CD109: variants seen among roughly 807,000 people sequenced by gnomAD.
CD109 encodes the protein CD109 antigen.
CD109 carries 149 observed loss-of-function variants against 165.8 expected under a neutral mutation model. That is an observed-to-expected ratio of 0.90 (90% CI 0.79 to 1.03). The LOEUF (loss-of-function observed/expected upper bound fraction) is 1.03. CD109 is among the 50% of genes least tolerant of loss of function. CD109 has a pLI of 0.00. For synonymous variants in CD109, 585 were observed against 592.1 expected, an observed-to-expected ratio of 0.99 and a Z score of 0.18; for missense variants, 1,712 against 1,677.8, an observed-to-expected ratio of 1.02 and a Z score of -0.36.
chr6:73,697,479 T>C lies in CD109; in HGVS notation c.154T>C (p.Cys52Arg). The C allele has an allele frequency of 2.5e-6, 4 of 1,614,128 alleles. No homozygotes were observed. In the South Asian group the frequency reaches 4.4e-5, roughly 18 times the overall value. ...VTIGVELLEH[C>R]PSQVTVKAEL... ...TATTGGGGTGGAGCTTCTGGAACAC[T>C]GCCCTTCACAGGTGACTGTGAAGGC... Residue 52 changes from cysteine to arginine, a missense_variant, in exon 2 of 33, where the codon TGC becomes CGC. Coordinates refer to ENST00000287097, the MANE Select transcript of CD109 (RefSeq NM_133493.5).
chr6:73,708,351 G>A (rs1268567231), intron 2 of CD109, among the ~76,000 whole-genome samples: 1 of 152,104 alleles, frequency 6.6e-6, no homozygotes, highest in Non-Finnish European at 1.5e-5. Context: ...TGGCTGCATT[G>A]TATTCCATGG....
chr6:73,787,572 T>A, intron 21 of CD109, 120 bp downstream of exon 21: 1 of 657,692 alleles, frequency 1.5e-6, no homozygotes, highest in Non-Finnish European at 2.6e-6. Flanking sequence ...TTTACCCTTC[T>A]GGTAATGCCT....
chr6:73,810,062 C>G lies in CD109; in HGVS notation c.3434C>G (p.Ala1145Gly), dbSNP rs770372969. The G allele has an allele frequency of 6.2e-6, 10 of 1,608,294 alleles. No individual in the cohort carries two copies. The Admixed American group carries it at 1.7e-4, about 28-fold the overall frequency. The part of the protein sequence containing the change: ...WQPRSLDIEV[A>G]AYALLSHFLQ... The stretch of plus-strand genomic sequence containing the variant: ...CCACGCTCCCTGGATATTGAAGTTG[C>G]AGCCTATGCACTGCTCTCACACTTC... The change falls in exon 27 of 33, where the codon GCA becomes GGA. Residue 1145 changes from alanine (A) to glycine (G), a missense_variant. Physicochemically the swap from Ala to Gly is moderately conservative, Grantham distance 60. Coordinates refer to ENST00000287097, the MANE Select transcript of CD109 (RefSeq NM_133493.5).
intron 15 of CD109, among the ~76,000 whole-genome samples, chr6:73,778,074 A>G (rs143974378): frequency 7.9e-5 from 12 of 152,224 alleles, no homozygotes; most frequent in East Asian, 5.8e-4. Context: ...TTGTTCATCT[A>G]TGATTTCTTT....
At chr6:73,775,038 C>T (rs1315130081) in intron 15 of CD109, among the ~76,000 whole-genome samples, 1 of 151,746 alleles carries the variant, frequency 6.6e-6, no homozygotes. Context: ...AATTTTTAGA[C>T]ATTAGCCTTC....
chr6:73,723,549 T>C (rs1772034988), intron 3 of CD109, among the ~76,000 whole-genome samples: 1 of 152,108 alleles, frequency 6.6e-6, no homozygotes. Flanking sequence ...AGCACAGAAA[T>C]CTGGACTGGT....
At chr6:73,701,506 T>C (rs375797240) in intron 2 of CD109, among the ~76,000 whole-genome samples, 35 of 152,324 alleles carry the variant, frequency 2.3e-4, no homozygotes, top group African/African-American at 8.2e-4. Flanking sequence ...CTTTCCTTAC[T>C]GTGAAAGGAG....
intron 10 of CD109, 32 bp downstream of exon 10, chr6:73,763,717 C>A (rs1286356353): frequency 2.8e-6 from 3 of 1,089,260 alleles, no homozygotes; most frequent in South Asian, 1.6e-5. Flanking sequence ...CAGTCCATAG[C>A]AGTAAGTTCA....
intron 3 of CD109, among the ~76,000 whole-genome samples, chr6:73,728,300 A>C (rs936759324): frequency 2.0e-5 from 3 of 152,190 alleles, no homozygotes; most frequent in African/African-American, 7.2e-5. Flanking sequence ...ACAGAGCAAG[A>C]GTTCGTCTCA....
At position 73,780,423 on chromosome 6, in the gene CD109, G is replaced by A; in HGVS notation, c.1828-1G>A. Reference sequence around the variant, plus strand: ...TTCCGTATATTTTATCTTCTCCTTAGGTGGTCCATGAGTTGGAACTTTATA... The same window carrying A: ...TTCCGTATATTTTATCTTCTCCTTAAGTGGTCCATGAGTTGGAACTTTATA... On this transcript the variant is annotated splice_acceptor_variant, in intron 15 of 32. Transcript: ENST00000287097. LOFTEE classifies it high-confidence loss of function. 1 of 1,574,894 alleles carries A rather than the reference G, an allele frequency of 6.3e-7. No individual in the cohort carries two copies. Among genetic ancestry groups the A allele is most frequent in the South Asian group, 1.1e-5 (1 of 89,942 alleles).
chr6:73,812,222 A>G lies in CD109; in HGVS notation c.3720A>G (p.Pro1240=). Residue 1240 remains proline, a synonymous_variant, in exon 29 of 33, where the codon CCA becomes CCG. Coordinates refer to ENST00000287097, the MANE Select transcript of CD109 (RefSeq NM_133493.5). ...TGATTCAGCTTGCTGTGGTACAGCC[A>G]ACGGCAGTTAATATTTCCGCAAATG... ...LQTAELAVVQ[P]TAVNISANGF... 6.2e-7 allele frequency: 1 copy of G among 1,610,536 alleles called. No homozygotes were observed. The highest frequency in any genetic ancestry group is 8.5e-7 in the Non-Finnish European group (1 of 1,177,666).
At chr6:73,761,561 T>C (rs1211337482) in intron 7 of CD109, among the ~76,000 whole-genome samples, 1 of 152,146 alleles carries the variant, frequency 6.6e-6, no homozygotes, top group Non-Finnish European at 1.5e-5. Flanking sequence ...CTCACTCTGT[T>C]GCCCAGGCTG....
chr6:73,759,515 G>A (rs1053730887), intron 7 of CD109, among the ~76,000 whole-genome samples: 1 of 152,012 alleles, frequency 6.6e-6, no homozygotes, highest in Non-Finnish European at 1.5e-5. Flanking sequence ...TTTATTTTCT[G>A]AGTGATTAAC....
chr6:73,804,542 T>C (rs1244180464), intron 24 of CD109, among the ~76,000 whole-genome samples: 2 of 152,194 alleles, frequency 1.3e-5, no homozygotes, highest in Non-Finnish European at 2.9e-5. Context: ...GGTGGTGGTG[T>C]TGGCAGGTGG....
chr6:73,753,639 T>C (rs1773278806), intron 5 of CD109, among the ~76,000 whole-genome samples: 1 of 152,346 alleles, frequency 6.6e-6, no homozygotes, highest in East Asian at 1.9e-4. Flanking sequence ...ATTTAAAATG[T>C]CAGTGAAAAG....
In CD109 at chr6:73,818,485, G is replaced by T. The variant is rs1220312879; in HGVS notation, c.4009G>T (p.Val1337Leu). The T allele has an allele frequency of 6.2e-7, 1 of 1,613,346 alleles. No homozygotes were observed. The highest frequency in any genetic ancestry group is 1.7e-5 in the Admixed American group (1 of 59,798). Reference sequence around the variant, plus strand: ...AGAAGCAATTTCTCTGAGCGAGACAGTGAAGAAAGTGGAATATGATCATGG... The same window carrying T: ...AGAAGCAATTTCTCTGAGCGAGACATTGAAGAAAGTGGAATATGATCATGG... Reference protein sequence around the residue: ...PSEAISLSETVKKVEYDHGKL... With the variant: ...PSEAISLSETLKKVEYDHGKL... The change falls in exon 31 of 33, where the codon GTG becomes TTG. Residue 1337 changes from valine to leucine, a missense_variant. Val to Leu is a conservative substitution (Grantham distance 32). Transcript: ENST00000287097.
chr6:73,715,669 A>G (rs1362604028), intron 2 of CD109, among the ~76,000 whole-genome samples: 1 of 152,106 alleles, frequency 6.6e-6, no homozygotes, highest in Non-Finnish European at 1.5e-5. Flanking sequence ...ATATATTTAC[A>G]GGGTACATGA....
intron 15 of CD109, among the ~76,000 whole-genome samples, chr6:73,771,847 T>A (rs1774046316): frequency 6.6e-6 from 1 of 152,214 alleles, no homozygotes; most frequent in Admixed American, 6.5e-5. Flanking sequence ...AGGTCTGTGG[T>A]ACAACATGGT....
At chr6:73,768,677 G>A (rs1401728810) in intron 14 of CD109, among the ~76,000 whole-genome samples, 2 of 152,120 alleles carry the variant, frequency 1.3e-5, no homozygotes, top group African/African-American at 4.8e-5. Flanking sequence ...ACTAGCCCAG[G>A]GCAACTTTTC....
Sources: allele counts gnomAD v4.1 joint callset (sites outside exome capture counted in the v4.1 genomes callset), GRCh38; gene constraint gnomAD v4.1.1; transcripts MANE v1.5; gene names NCBI Gene and HGNC (gene_info 2026-07-23, HGNC 2026-07-21).